VAV1: variants seen among roughly 807,000 people sequenced by gnomAD.
VAV1 encodes the protein vav guanine nucleotide exchange factor 1, also known as proto-oncogene vav.
VAV1 carries 33 observed loss-of-function variants against 128.1 expected under a neutral mutation model. That is an observed-to-expected ratio of 0.26 (90% CI 0.20 to 0.34). The LOEUF is 0.34. Ranked by LOEUF, VAV1 falls within the 10% of genes least tolerant of loss-of-function variation. The pLI is 1.00. For missense variants in VAV1, 715 were observed against 1,093.7 expected (o/e 0.65, Z 4.88); for synonymous variants, 394 against 409.8 (o/e 0.96, Z 0.47).
chr19:6,854,621 G>A (rs112633674), intron 26 of VAV1, among the ~76,000 whole-genome samples: 1 of 152,064 alleles, frequency 6.6e-6, no homozygotes, highest in African/African-American at 2.4e-5. Flanking sequence ...AAGCTGAGGT[G>A]GGAGGATTGC....
chr19:6,794,434 G>A (rs1406199312), intron 1 of VAV1, among the ~76,000 whole-genome samples: 1 of 152,142 alleles, frequency 6.6e-6, no homozygotes, highest in Non-Finnish European at 1.5e-5. Flanking sequence ...GAGCCCAGGA[G>A]TTTGAGGCTG....
intron 21 of VAV1, among the ~76,000 whole-genome samples, chr19:6,838,097 G>GTCTATCTA (rs151241479): frequency 0.31 from 44,890 of 146,448 alleles, 7,669 homozygotes; most frequent in Non-Finnish European, 0.38. Context: ...CTGTCTGTCT[G>GTCTATCTA]TCTATCTATC....
At chr19:6,800,469 C>T (rs1376217215) in intron 1 of VAV1, among the ~76,000 whole-genome samples, 2 of 151,524 alleles carry the variant, frequency 1.3e-5, no homozygotes, top group Admixed American at 6.6e-5. Flanking sequence ...TCCACCACAC[C>T]CAGCTAATTT....
intron 1 of VAV1, among the ~76,000 whole-genome samples, chr19:6,797,034 C>G (rs1345110131): frequency 1.3e-5 from 2 of 151,688 alleles, no homozygotes; most frequent in Admixed American, 6.6e-5. Context: ...GGTCAGGAGA[C>G]CAGCCCAGCC....
intron 20 of VAV1, among the ~76,000 whole-genome samples, 168 bp from the exon 21 acceptor site, chr19:6,836,817 A>G (rs1972233992): frequency 6.8e-6 from 1 of 147,700 alleles, no homozygotes; most frequent in African/African-American, 2.5e-5. Context: ...CAGAGTGACC[A>G]TTGAGCAGAG....
At chr19:6,846,088 A>C (rs953563277) in intron 22 of VAV1, among the ~76,000 whole-genome samples, 10 of 149,124 alleles carry the variant, frequency 6.7e-5, no homozygotes, top group Admixed American at 5.4e-4. Flanking sequence ...TATATGTTAC[A>C]TTTATGTCAT....
At chr19:6,798,882 C>T (rs1469426349) in intron 1 of VAV1, among the ~76,000 whole-genome samples, 1 of 151,970 alleles carries the variant, frequency 6.6e-6, no homozygotes, top group Non-Finnish European at 1.5e-5. Context: ...ATATCCATTG[C>T]CCCTCAAAGT....
intron 1 of VAV1, among the ~76,000 whole-genome samples, chr19:6,810,235 G>A (rs1379196495): frequency 6.6e-6 from 1 of 152,128 alleles, no homozygotes; most frequent in East Asian, 1.9e-4. Flanking sequence ...CAGCTGCTCA[G>A]GAGGCTGAGG....
rs1018324503 is a variant in VAV1, at chr19:6,857,320, G to A, written c.*213G>A. On this transcript the variant is annotated 3_prime_UTR_variant, in exon 27 of 27. Coordinates refer to ENST00000602142, the MANE Select transcript of VAV1 (RefSeq NM_005428.4). ...TCCTCTTGGGTCCCCTCAAGCAGAC[G>A]GGGCTCAAGGGGGTTACATTTAATA... 6.9e-6 allele frequency: 4 copies of A among 583,130 alleles called. No individual in the cohort carries two copies. The highest frequency in any genetic ancestry group is 2.1e-5 in the South Asian group (1 of 48,624). 36.1% of individuals were successfully genotyped at this position (583,130 alleles called of 1,614,324 possible).
intron 21 of VAV1, 46 bp downstream of exon 21, chr19:6,837,096 CG>C: frequency 6.2e-7 from 1 of 1,600,520 alleles, no homozygotes; most frequent in African/African-American, 1.3e-5. Context: ...GGGTCCAGGG[CG>C]GGTCCTGGGA....
In VAV1 at chr19:6,828,013, C is replaced by T; in HGVS notation, c.928-63C>T. ...GTATTTATTCAAATCTATCTGCACC[C>T]ACCCTGCAACTGGCTGTTTCTGGGA... On this transcript the variant is annotated intron_variant, in intron 9 of 26. Transcript: ENST00000602142. This position sits in a 1 kb window ranked among gnomAD's most constrained non-coding sequence, Gnocchi z 4.5. The T allele has an allele frequency of 7.1e-7, 1 of 1,417,312 alleles. No homozygotes were observed. Among genetic ancestry groups the T allele is most frequent in the East Asian group, 2.3e-5 (1 of 43,880 alleles). 87.8% of individuals were successfully genotyped at this position (1,417,312 alleles called of 1,614,324 possible).
chr19:6,803,188 G>A (rs923355292), intron 1 of VAV1, among the ~76,000 whole-genome samples: 1 of 152,230 alleles, frequency 6.6e-6, no homozygotes, highest in Non-Finnish European at 1.5e-5. Flanking sequence ...GGCAGTTGCA[G>A]AAGTCCTGCT....
At chr19:6,840,252 A>C (rs911807205) in intron 21 of VAV1, among the ~76,000 whole-genome samples, 1 of 151,412 alleles carries the variant, frequency 6.6e-6, no homozygotes, top group Non-Finnish European at 1.5e-5. Context: ...TTCACTTGGC[A>C]TAATGTATTC....
At chr19:6,856,691 T>C in intron 26 of VAV1, among the ~76,000 whole-genome samples, 1 of 140,144 alleles carries the variant, frequency 7.1e-6, no homozygotes, top group African/African-American at 2.7e-5. Context: ...GCCATTGCAC[T>C]CCAGCCTAGG....
chr19:6,839,806 TC>T (rs1353010859), intron 21 of VAV1, among the ~76,000 whole-genome samples: 1 of 152,054 alleles, frequency 6.6e-6, no homozygotes, highest in Admixed American at 6.6e-5. Context: ...TCCTCACACT[TC>T]CGCCTCCCAA....
intron 1 of VAV1, among the ~76,000 whole-genome samples, chr19:6,787,220 G>A (rs561256008): frequency 1.3e-5 from 2 of 152,162 alleles, no homozygotes; most frequent in Admixed American, 1.3e-4. Context: ...CTGTCACCAA[G>A]GCTGGAGTGC....
rs545962491 is a variant in VAV1, at chr19:6,831,238, T to C, written c.1399-853T>C. ...CTCTCGGCTCTTCCTTACTTCCTTC[T>C]GCTTTTTCTCCTGTGAACTCTTCCG... On this transcript the variant is annotated intron_variant, in intron 14 of 26. Transcript: ENST00000602142. 7.2e-5 allele frequency among the ~76,000 whole-genome samples: 11 copies of C among 152,316 alleles called. No individual in the cohort carries two copies. The South Asian group carries it at 2.3e-3, about 32-fold the overall frequency.
Position 6,825,354 on chromosome 19 carries a change from G to A in VAV1, c.775G>A (p.Gly259Ser), listed in dbSNP as rs768614314. The A allele has an allele frequency of 2.5e-6, 4 of 1,613,744 alleles. No individual in the cohort carries two copies. Among genetic ancestry groups the A allele is most frequent in the Admixed American group, 1.7e-5 (1 of 60,022 alleles). ...CCTAAAGGAGATGAAGGAAGCCCTG[G>A]GCACCCCTGGCGCAGCCAATCTCTA... ...HFLKEMKEAL[G>S]TPGAANLYQV... Residue 259 changes from glycine to serine, a missense_variant, in exon 8 of 27, where the codon GGC becomes AGC. Coordinates refer to ENST00000602142, the MANE Select transcript of VAV1 (RefSeq NM_005428.4).
intron 1 of VAV1, among the ~76,000 whole-genome samples, chr19:6,802,152 G>A (rs1351498142): frequency 2.0e-5 from 3 of 152,000 alleles, no homozygotes; most frequent in Non-Finnish European, 4.4e-5. Context: ...AGAACACATG[G>A]GCACAGGAAG....
Sources: allele counts gnomAD v4.1 joint callset (sites outside exome capture counted in the v4.1 genomes callset), GRCh38; gene constraint gnomAD v4.1.1; non-coding constraint Gnocchi (gnomAD v3.1); transcripts MANE v1.5; gene names NCBI Gene and HGNC (gene_info 2026-07-23, HGNC 2026-07-21).